The following GATA3 variants were observed in gnomAD, a reference collection of about 807,000 sequenced individuals.
GATA3 encodes GATA binding protein 3.
In GATA3, 6 loss-of-function variants were observed where a neutral mutation model predicts 36.0. The ratio of observed to expected loss-of-function variants is 0.17; its 90% CI spans 0.09 to 0.33. The LOEUF (loss-of-function observed/expected upper bound fraction) is 0.33, where lower values mean the gene tolerates loss of function less well. Ranked by LOEUF, GATA3 falls within the 10% of genes least tolerant of loss-of-function variation. GATA3 has a pLI of 1.00. For missense variants in GATA3, 514 were observed against 610.1 expected (o/e 0.84, Z 1.66); for synonymous variants, 326 against 273.0 (o/e 1.19, Z -1.92).
chr10:8,074,103 C>T lies in GATA3; in HGVS notation c.*80C>T. On this transcript the variant is annotated 3_prime_UTR_variant, in exon 6 of 6. Coordinates refer to ENST00000379328, the MANE Select transcript of GATA3 (RefSeq NM_001002295.2). ...ACTTGCATTTTTGCAGGAGCAGTATCATGAAGCCTAAACGCGATGGATATA... is the reference window on the plus strand; with the variant it reads ...ACTTGCATTTTTGCAGGAGCAGTATTATGAAGCCTAAACGCGATGGATATA... 1 of 1,515,052 alleles carries T rather than the reference C, an allele frequency of 6.6e-7. No homozygotes were observed. Among genetic ancestry groups the T allele is most frequent in the Non-Finnish European group, 9.0e-7 (1 of 1,109,692 alleles). 93.9% of individuals were successfully genotyped at this position (1,515,052 alleles called of 1,614,324 possible).
chr10:8,062,130 C>T (rs1391461800), intron 3 of GATA3, among the ~76,000 whole-genome samples: 1 of 152,224 alleles, frequency 6.6e-6, no homozygotes, highest in African/African-American at 2.4e-5. Context: ...TCTGCCACAT[C>T]CCTCAGGCTT....
At chr10:8,057,273 G>C (rs1832655935) in intron 2 of GATA3, among the ~76,000 whole-genome samples, 1 of 152,120 alleles carries the variant, frequency 6.6e-6, no homozygotes, top group Admixed American at 6.5e-5. Flanking sequence ...AAATGCTGAG[G>C]CAGGTACTGG....
At chr10:8,069,209 G>A (rs551085535) in intron 4 of GATA3, among the ~76,000 whole-genome samples, 4 of 152,186 alleles carry the variant, frequency 2.6e-5, no homozygotes, top group East Asian at 1.9e-4. Flanking sequence ...AGGAGGCCCC[G>A]GCTTCCTGCT....
intron 3 of GATA3, among the ~76,000 whole-genome samples, chr10:8,059,619 G>T (rs144474811): frequency 6.0e-4 from 91 of 152,324 alleles, no homozygotes; most frequent in South Asian, 1.9e-3. Context: ...AGTGCTCCAG[G>T]TGTGTATCTC....
At chr10:8,062,799 C>T (rs907206061) in intron 3 of GATA3, among the ~76,000 whole-genome samples, 2 of 152,172 alleles carry the variant, frequency 1.3e-5, no homozygotes, top group Admixed American at 1.3e-4. Flanking sequence ...CCTGTTCCTG[C>T]AAGGAAGGGG....
In GATA3 at chr10:8,074,371, G is replaced by A. The variant is rs1832981521; in HGVS notation, c.*348G>A. On this transcript the variant is annotated 3_prime_UTR_variant, in exon 6 of 6. Coordinates refer to ENST00000379328, the MANE Select transcript of GATA3 (RefSeq NM_001002295.2). Reference sequence around the variant, plus strand: ...ATCTGGGTAGCTGTAAGGCATGAAGGATGCCAAGAAGTTTAAGGAATATGG... The same window carrying A: ...ATCTGGGTAGCTGTAAGGCATGAAGAATGCCAAGAAGTTTAAGGAATATGG... 3.4e-6 allele frequency: 1 copy of A among 292,702 alleles called. No homozygotes were observed. Among genetic ancestry groups the A allele is most frequent in the Non-Finnish European group, 6.4e-6 (1 of 157,022 alleles). The allele number at this position is 292,702 out of a possible 1,614,324, so 18.1% of individuals were successfully genotyped here. A position where few individuals can be genotyped will look rare whatever the true frequency, so the allele number is the denominator to read the frequency against.
chr10:8,069,724 A>G, intron 5 of GATA3, 126 bp downstream of exon 5: 1 of 1,153,932 alleles, frequency 8.7e-7, no homozygotes, highest in Non-Finnish European at 1.3e-6. Context: ...CAAATAATTG[A>G]TGCAATAGGA....
At chr10:8,050,969 T>C, upstream of GATA3, 1 of 485,060 alleles carries the variant, frequency 2.1e-6, no homozygotes, top group South Asian at 1.5e-5. Context: ...GGAGCTCGCC[T>C]GGAAGCGCCG....
Position 8,058,583 on chromosome 10 carries a change from G to A in GATA3, c.520G>A (p.Gly174Ser), listed in dbSNP as rs1471356975. Residue 174 changes from glycine (G) to serine (S), a missense_variant, in exon 3 of 6, where the codon GGC (glycine) becomes AGC (serine). Coordinates refer to ENST00000379328, the MANE Select transcript of GATA3 (RefSeq NM_001002295.2). ...ATCGCTGTCCACCCCAGGCTCGGCC[G>A]GCTCGGCCCGGCAGGACGAGAAAGA... is the stretch of plus-strand genomic sequence containing the variant. ...DPSLSTPGSA[G>S]SARQDEKECL... 3.7e-6 allele frequency: 6 copies of A among 1,611,732 alleles called. No individual in the cohort carries two copies. Among genetic ancestry groups the A allele is most frequent in the African/African-American group, 2.7e-5 (2 of 74,956 alleles).
rs199838253 is a variant in GATA3 at position 8,047,911 on chromosome 10, A to AT, written c.-370+2406dup. On this transcript the variant is annotated intron_variant, in intron 1 of 1. Transcript: ENST00000643001. ...ACCTCTGAGTCGGGCACAAACATGGATTTTTTTTTTCACCAGGTGGTCTCT... is the reference window on the plus strand; with the variant it reads ...ACCTCTGAGTCGGGCACAAACATGGATTTTTTTTTTTCACCAGGTGGTCTCT... 3.3e-3 allele frequency among the ~76,000 whole-genome samples: 493 copies of AT among 150,344 alleles called. 3 individuals are homozygous for AT. Among genetic ancestry groups the AT allele is most frequent in the South Asian group, 0.013 (63 of 4,734 alleles).
rs550463146 is a variant in GATA3 at position 8,060,025 on chromosome 10, G to A, written c.778+1184G>A. Among the ~76,000 whole-genome samples, 126 of 152,308 alleles carry A rather than the reference G, an allele frequency of 8.3e-4. 1 individual carries two copies. The highest frequency in any genetic ancestry group is 2.6e-3 in the Admixed American group (40 of 15,300). ...ATGAGATGAGCAGCCTTGAAACCGA[G>A]CTCCCAAAGCTCCGGTTTGAAAAAC... is the stretch of plus-strand genomic sequence containing the variant. On this transcript the variant is annotated intron_variant, in intron 3 of 5. Coordinates refer to ENST00000379328, the MANE Select transcript of GATA3 (RefSeq NM_001002295.2).
At chr10:8,068,476 C>G (rs555454315) in intron 4 of GATA3, among the ~76,000 whole-genome samples, 17 of 152,254 alleles carry the variant, frequency 1.1e-4, no homozygotes, top group African/African-American at 3.6e-4. Flanking sequence ...AAAGCACAGA[C>G]TGTGGTGGCT....
Position 8,074,572 on chromosome 10 carries a change from C to T in GATA3, c.*549C>T. On this transcript the variant is annotated 3_prime_UTR_variant, in exon 6 of 6. Transcript: ENST00000379328. ...TTGTAGGCGAATCATTTGTTCAAAG[C>T]TGTTGGCCTCTGCAAAGGAAATACC... The T allele has an allele frequency of 4.3e-6, 1 of 234,146 alleles. No homozygotes were observed. 14.5% of individuals were successfully genotyped at this position (234,146 alleles called of 1,614,324 possible).
intron 1 of GATA3, among the ~76,000 whole-genome samples, chr10:8,048,205 G>A (rs569443946): frequency 1.6e-3 from 251 of 152,326 alleles, no homozygotes; most frequent in African/African-American, 5.7e-3. Context: ...CCAGCGCTGG[G>A]GGTTGGGGCT....
At chr10:8,065,830 C>G (rs775089934) in intron 4 of GATA3, among the ~76,000 whole-genome samples, 29 of 121,630 alleles carry the variant, frequency 2.4e-4, no homozygotes, top group Non-Finnish European at 4.3e-4. Flanking sequence ...ACCTAAACAC[C>G]AAGATGTTTG....
chr10:8,050,558 C>A (rs558480338), upstream of GATA3: 454 of 171,738 alleles, frequency 2.6e-3, 1 homozygote, highest in African/African-American at 0.01. Context: ...GGCCTCGGGC[C>A]GTGCTGCAGT....
chr10:8,057,162 C>T (rs568194123), intron 2 of GATA3, among the ~76,000 whole-genome samples: 1 of 152,214 alleles, frequency 6.6e-6, no homozygotes, highest in Non-Finnish European at 1.5e-5. Context: ...AATCTTGACC[C>T]TTGGTGTTCA....
intron 5 of GATA3, 32 bp from the exon 6 acceptor site, chr10:8,073,707 A>AAC (rs1832967575): frequency 6.2e-6 from 5 of 806,554 alleles, no homozygotes; most frequent in African/African-American, 1.8e-5. Flanking sequence ...CAAAAAAGTA[A>AAC]AAAAAAAAAA....
At chr10:8,050,917 C>T (rs534296680), upstream of GATA3, 9 of 466,336 alleles carry the variant, frequency 1.9e-5, no homozygotes, top group South Asian at 1.4e-4. Context: ...TCGGGCAGCG[C>T]GCGGGCGCCC....
Sources: gnomAD v4.1 joint callset for allele counts (sites outside exome capture counted in the v4.1 genomes callset) on GRCh38, gnomAD v4.1.1 for gene constraint, MANE v1.5 for transcripts, NCBI Gene and HGNC (gene_info 2026-07-23, HGNC 2026-07-21) for gene names.